SMG6: variants seen among roughly 807,000 people sequenced by gnomAD.
SMG6 encodes the protein telomerase-binding protein EST1A.
Under a neutral mutation model 142.2 loss-of-function variants are expected in SMG6, and 66 were observed. The observed-to-expected ratio is 0.46, with a 90% CI of 0.38 to 0.57. The LOEUF (loss-of-function observed/expected upper bound fraction) is 0.57. SMG6 is among the 20% of genes least tolerant of loss of function. The pLI is 0.00. For missense variants in SMG6, 1,793 were observed against 1,832.0 expected (o/e 0.98, Z 0.39); for synonymous variants, 779 against 702.4 (o/e 1.11, Z -1.72).
At chr17:2,292,823 C>T in intron 5 of SMG6, 48 bp downstream of exon 5, 1 of 1,554,292 alleles carries the variant, frequency 6.4e-7, no homozygotes, top group Non-Finnish European at 8.9e-7. Context: ...TAAGGCTTAG[C>T]TTAGAGCCAC....
intron 8 of SMG6, among the ~76,000 whole-genome samples, chr17:2,250,437 G>A (rs2074021839): frequency 1.3e-5 from 2 of 151,534 alleles, no homozygotes; most frequent in African/African-American, 4.9e-5. Flanking sequence ...ACCCAGACTG[G>A]AGTACAGTGG....
intron 13 of SMG6, among the ~76,000 whole-genome samples, chr17:2,149,260 G>C (rs904589034): frequency 7.4e-6 from 1 of 135,644 alleles, no homozygotes; most frequent in Non-Finnish European, 1.5e-5. Context: ...TGAAGCAGGA[G>C]AATCACTTGA....
intron 12 of SMG6, among the ~76,000 whole-genome samples, chr17:2,176,019 G>T (rs2071643648): frequency 6.6e-6 from 1 of 152,188 alleles, no homozygotes; most frequent in African/African-American, 2.4e-5. Flanking sequence ...AGGAGTGAGG[G>T]AGTGTCAGGA....
At chr17:2,147,388 A>C (rs1407837975) in intron 13 of SMG6, among the ~76,000 whole-genome samples, 1 of 151,980 alleles carries the variant, frequency 6.6e-6, no homozygotes, top group Non-Finnish European at 1.5e-5. Context: ...GCAAGACTAC[A>C]TCTCAAAAAA....
chr17:2,252,883 C>A (rs2074078901), intron 8 of SMG6, among the ~76,000 whole-genome samples: 1 of 151,418 alleles, frequency 6.6e-6, no homozygotes, highest in South Asian at 2.1e-4. Context: ...TTTGTATGAC[C>A]CATGAGCTAA....
At chr17:2,077,346 G>A (rs903420828) in intron 15 of SMG6, among the ~76,000 whole-genome samples, 3 of 152,216 alleles carry the variant, frequency 2.0e-5, no homozygotes, top group Non-Finnish European at 2.9e-5. Context: ...TCACAGGAAC[G>A]CTAAGCAGAG....
intron 13 of SMG6, among the ~76,000 whole-genome samples, chr17:2,128,817 CAAAAA>C (rs367580981): frequency 1.4e-5 from 1 of 73,056 alleles, no homozygotes; most frequent in Non-Finnish European, 2.9e-5. Flanking sequence ...GAGCAAGACT[CAAAAA>C]AAAAAAAAAA....
intron 9 of SMG6, among the ~76,000 whole-genome samples, chr17:2,240,970 TAC>T (rs1243750261): frequency 6.6e-6 from 1 of 152,236 alleles, no homozygotes; most frequent in African/African-American, 2.4e-5. Context: ...TTCCTAGTCT[TAC>T]AGACTTCTAT....
chr17:2,104,351 T>C (rs117089871), intron 13 of SMG6, among the ~76,000 whole-genome samples: 48 of 152,280 alleles, frequency 3.2e-4, no homozygotes, highest in Non-Finnish European at 6.5e-4. Context: ...CTGCCTCAGC[T>C]TCCCAAATTG....
intron 13 of SMG6, among the ~76,000 whole-genome samples, chr17:2,121,121 C>T (rs901435301): frequency 1.4e-4 from 21 of 152,200 alleles, no homozygotes; most frequent in Admixed American, 2.0e-4. Flanking sequence ...ATAAAAAATG[C>T]ACATCTAATC....
In SMG6 at chr17:2,186,560, C is replaced by T. The variant is rs552952675; in HGVS notation, c.3155+103G>A. ...AATAAAGAAGAAATAGAGAGGCAGG[C>T]AGGCTGTGGGCAGAAAGAAACAGAG... is the stretch of plus-strand genomic sequence containing the variant. On this transcript the variant is annotated intron_variant, in intron 12 of 18. Coordinates refer to ENST00000263073, the MANE Select transcript of SMG6 (RefSeq NM_017575.5). 3.6e-4 allele frequency: 470 copies of T among 1,304,856 alleles called. 6 individuals carry two copies. The South Asian group carries it at 6.4e-3, about 18-fold the overall frequency. 80.8% of individuals were successfully genotyped at this position (1,304,856 alleles called of 1,614,324 possible).
rs374315131 is a variant in SMG6, at chr17:2,081,972, C to T, written c.3535-16G>A. On this transcript the variant is annotated splice_polypyrimidine_tract_variant and intron_variant, in intron 14 of 18. Transcript: ENST00000263073. ...CATCCTCCTCCTTTGGGTGGTGGAG[C>T]CGACCAGGACAAAGAGGAGACAGTT... is the stretch of plus-strand genomic sequence containing the variant. The T allele has an allele frequency of 1.9e-6, 3 of 1,613,738 alleles. No homozygotes were observed. The highest frequency in any genetic ancestry group is 2.5e-6 in the Non-Finnish European group (3 of 1,179,916).
chr17:2,297,954 T>A lies in SMG6; in HGVS notation c.1949A>T (p.Gln650Leu). The A allele has an allele frequency of 6.2e-7, 1 of 1,613,482 alleles. No homozygotes were observed. Residue 650 changes from glutamine to leucine, a missense_variant, in exon 3 of 19, where the codon CAG becomes CTG. Physicochemically the swap from Gln to Leu is moderately radical, Grantham distance 113. Transcript: ENST00000263073. ...AAGTTGCCTGAACTTCTCAATCACC[T>A]GATAGAAAGCATTCTTCCACAGGAT... is the stretch of plus-strand genomic sequence containing the variant. Reference protein sequence around the residue: ...DQILWKNAFYQVIEKFRQLVK... With the variant: ...DQILWKNAFYLVIEKFRQLVK...
chr17:2,100,660 C>CA (rs1197386749), intron 13 of SMG6, among the ~76,000 whole-genome samples: 2 of 152,092 alleles, frequency 1.3e-5, no homozygotes, highest in East Asian at 3.9e-4. Context: ...ACTGCAGTCT[C>CA]AACCTATCGA....
chr17:2,143,558 G>A (rs992490224), intron 13 of SMG6, among the ~76,000 whole-genome samples: 4 of 152,186 alleles, frequency 2.6e-5, no homozygotes, highest in Non-Finnish European at 5.9e-5. Flanking sequence ...TAAACTAGTG[G>A]TTGACAGGGG....
At chr17:2,174,086 A>G (rs548619538) in intron 12 of SMG6, among the ~76,000 whole-genome samples, 1 of 152,292 alleles carries the variant, frequency 6.6e-6, no homozygotes, top group Admixed American at 6.5e-5. Context: ...GCAAGAGGCA[A>G]TATGTAAAGA....
intron 13 of SMG6, among the ~76,000 whole-genome samples, chr17:2,109,668 T>C (rs2069253770): frequency 6.6e-6 from 1 of 152,192 alleles, no homozygotes; most frequent in Admixed American, 6.5e-5. Flanking sequence ...GAAGAACACA[T>C]ATAGACACGC....
chr17:2,226,634 C>T lies in SMG6; in HGVS notation c.2869+9858G>A, dbSNP rs182449143. ...ACAAACAAGTGGGGCTGGGCTCACA[C>T]CTGTAATCCCAGCACTTTGGGAGGC... On this transcript the variant is annotated intron_variant, in intron 10 of 18. Transcript: ENST00000263073. Among the ~76,000 whole-genome samples, 56 of 151,418 alleles carry T rather than the reference C, an allele frequency of 3.7e-4. No homozygotes were observed. In the East Asian group the frequency reaches 0.01, roughly 28 times the overall value.
At position 2,060,005 on chromosome 17, in the gene SMG6, T is replaced by C. The variant is rs2067727504; in HGVS notation, c.*1487A>G. The C allele has an allele frequency of 6.6e-6, 1 of 152,198 alleles. No homozygotes were observed. The highest frequency in any genetic ancestry group is 2.4e-5 in the African/African-American group (1 of 41,404). 9.4% of individuals were successfully genotyped at this position (152,198 alleles called of 1,614,324 possible). ...GGACCCTGTACTCCAAAGAGCCCAG[T>C]CTTCTGAGACTCTAGGGGACTCCTA... On this transcript the variant is annotated 3_prime_UTR_variant, in exon 19 of 19. Coordinates refer to ENST00000263073, the MANE Select transcript of SMG6 (RefSeq NM_017575.5).
Sources: allele counts gnomAD v4.1 joint callset (sites outside exome capture counted in the v4.1 genomes callset), GRCh38; gene constraint gnomAD v4.1.1; transcripts MANE v1.5; gene names NCBI Gene and HGNC (gene_info 2026-07-23, HGNC 2026-07-21).